The following RAP1GAP2 variants were observed in gnomAD, a reference collection of about 807,000 sequenced individuals.
RAP1GAP2 encodes RAP1 GTPase activating protein 2, also known as rap1 GTPase-activating protein 2.
In RAP1GAP2, 27 loss-of-function variants were observed where a neutral mutation model predicts 95.0. That is an observed-to-expected ratio of 0.28 (90% CI 0.21 to 0.39). RAP1GAP2 has a LOEUF of 0.39. Among genes scored for constraint, RAP1GAP2 ranks in the 10% least tolerant of loss-of-function variants. The pLI is 1.00. For synonymous variants in RAP1GAP2, 373 were observed against 380.9 expected (o/e 0.98, Z 0.24); for missense variants, 771 against 970.0 (o/e 0.79, Z 2.72).
intron 1 of RAP1GAP2, among the ~76,000 whole-genome samples, chr17:2,767,699 A>G (rs2068303584): frequency 6.6e-6 from 1 of 150,620 alleles, no homozygotes; most frequent in Admixed American, 6.6e-5. Context: ...ATGGCCACAC[A>G]TGGCTTTACT....
chr17:2,761,756 C>T (rs2071253074), intron 1 of RAP1GAP2, among the ~76,000 whole-genome samples: 1 of 152,044 alleles, frequency 6.6e-6, no homozygotes, highest in Non-Finnish European at 1.5e-5. Context: ...AAAAGAAATA[C>T]AATAAAATAA....
In RAP1GAP2 at chr17:2,950,578, C is replaced by A. The variant is rs903528194; in HGVS notation, c.166-7181C>A. On this transcript the variant is annotated intron_variant, in intron 3 of 24. Coordinates refer to ENST00000254695, the MANE Select transcript of RAP1GAP2 (RefSeq NM_015085.5). ...TGTTCTCACCTCATCTGCCTAAGAGCGCTGAAGTCAGGAACTATTTGCTTC... is the reference window on the plus strand; with the variant it reads ...TGTTCTCACCTCATCTGCCTAAGAGAGCTGAAGTCAGGAACTATTTGCTTC... 2.0e-5 allele frequency among the ~76,000 whole-genome samples: 3 copies of A among 150,186 alleles called. No homozygotes were observed. The East Asian group carries it at 5.9e-4, about 30-fold the overall frequency.
rs749400987 is a variant in RAP1GAP2 at position 2,964,084 on chromosome 17, A to G, written c.492+16A>G. The G allele has an allele frequency of 6.7e-7, 1 of 1,497,772 alleles. No homozygotes were observed. 92.8% of individuals were successfully genotyped at this position (1,497,772 alleles called of 1,614,324 possible). On this transcript the variant is annotated intron_variant, in intron 7 of 24. Coordinates refer to ENST00000254695, the MANE Select transcript of RAP1GAP2 (RefSeq NM_015085.5). The stretch of plus-strand genomic sequence containing the variant: ...CCTGGGGAAGGTGAGGCTGGGGGAG[A>G]GGAGCTGCTGGGGGTTGGGGGCAGA...
chr17:2,900,438 A>G (rs565661979), intron 2 of RAP1GAP2, among the ~76,000 whole-genome samples: 223 of 152,034 alleles, frequency 1.5e-3, no homozygotes, highest in Middle Eastern at 0.01. Context: ...TATTTTTTTA[A>G]ATTAATTAAT....
At chr17:2,943,320 T>G (rs1397552488) in intron 3 of RAP1GAP2, among the ~76,000 whole-genome samples, 2 of 152,174 alleles carry the variant, frequency 1.3e-5, no homozygotes, top group Non-Finnish European at 2.9e-5. Flanking sequence ...GGGGTCAGTT[T>G]TTAAAATGTA....
At chr17:2,770,591 G>T (rs1050609733) in intron 2 of RAP1GAP2, 11 of 396,680 alleles carry the variant, frequency 2.8e-5, no homozygotes, top group Middle Eastern at 1.3e-3. Flanking sequence ...TTCTAGGAAA[G>T]AATTTATCAG....
intron 2 of RAP1GAP2, among the ~76,000 whole-genome samples, chr17:2,872,244 G>C (rs2072876769): frequency 6.9e-6 from 1 of 145,204 alleles, no homozygotes; most frequent in Non-Finnish European, 1.5e-5. Context: ...AGGTGAAGCT[G>C]TCTGTGTAAC....
rs1490456979 is a variant in RAP1GAP2 at position 3,018,153 on chromosome 17, G to C, written c.1587G>C (p.Gly529=). ...HSGGIPGSLS[G]GISHNSMEVT... ...GGGGCATCCCTGGCAGCCTCAGCGG[G>C]GGCATCTCCCACAACAGCATGGAGG... Residue 529 remains glycine, a synonymous_variant, in exon 18 of 25, where the codon GGG becomes GGC. Coordinates refer to ENST00000254695, the MANE Select transcript of RAP1GAP2 (RefSeq NM_015085.5). The C allele has an allele frequency of 3.2e-6, 5 of 1,579,942 alleles. No homozygotes were observed. In the African/African-American group the frequency reaches 5.4e-5, roughly 17 times the overall value.
At chr17:2,889,746 G>A (rs1471948196) in intron 2 of RAP1GAP2, among the ~76,000 whole-genome samples, 1 of 142,452 alleles carries the variant, frequency 7.0e-6, no homozygotes, top group Non-Finnish European at 1.5e-5. Flanking sequence ...GCAGTGGCAC[G>A]ATCTCAGATC....
intron 2 of RAP1GAP2, among the ~76,000 whole-genome samples, chr17:2,821,800 G>T (rs2070317654): frequency 6.6e-6 from 1 of 152,128 alleles, no homozygotes; most frequent in South Asian, 2.1e-4. Context: ...AACAACGCAG[G>T]TACAGAACAT....
chr17:3,031,948 G>A (rs1198291597), intron 23 of RAP1GAP2, among the ~76,000 whole-genome samples: 1 of 149,902 alleles, frequency 6.7e-6, no homozygotes, highest in African/African-American at 2.5e-5. Context: ...AGGTCCAGAT[G>A]TGAGGTGGAA....
At chr17:2,795,712 G>A (rs967355067), upstream of RAP1GAP2, among the ~76,000 whole-genome samples, 1 of 152,182 alleles carries the variant, frequency 6.6e-6, no homozygotes, top group African/African-American at 2.4e-5. Context: ...ATGTGTATGC[G>A]TTCATGTCTG....
chr17:2,789,607 TAAAAA>T (rs546111176), intron 1 of RAP1GAP2, among the ~76,000 whole-genome samples: 1 of 74,810 alleles, frequency 1.3e-5, no homozygotes. Context: ...CAGTCTCTAC[TAAAAA>T]AAAAAAAAAA....
At chr17:2,907,811 C>G (rs538111056) in intron 3 of RAP1GAP2, among the ~76,000 whole-genome samples, 13 of 152,146 alleles carry the variant, frequency 8.5e-5, no homozygotes, top group Admixed American at 7.9e-4. Context: ...TCAGAGTCAG[C>G]TTTTTTATTT....
chr17:2,991,921 C>T (rs780947904), intron 12 of RAP1GAP2, among the ~76,000 whole-genome samples: 3 of 151,260 alleles, frequency 2.0e-5, no homozygotes, highest in Non-Finnish European at 1.5e-5. Flanking sequence ...CCCGCCAACA[C>T]GCCCAGCTAA....
chr17:2,881,945 C>T (rs923400583), intron 2 of RAP1GAP2, among the ~76,000 whole-genome samples: 9 of 150,894 alleles, frequency 6.0e-5, no homozygotes, highest in Non-Finnish European at 1.0e-4. Flanking sequence ...CTCAGCCTCC[C>T]GAGTAGCTGG....
chr17:2,800,672 C>A, intron 2 of RAP1GAP2, 122 bp downstream of exon 2: 1 of 1,060,210 alleles, frequency 9.4e-7, no homozygotes, highest in African/African-American at 1.6e-5. Flanking sequence ...GATTCCAGTC[C>A]GAGTCCATGG....
intron 2 of RAP1GAP2, among the ~76,000 whole-genome samples, chr17:2,807,944 G>A (rs186108391): frequency 4.5e-4 from 69 of 152,276 alleles, no homozygotes; most frequent in East Asian, 2.5e-3. Context: ...GAGACCCTCC[G>A]CTGGCCTGCG....
chr17:2,905,856 T>C (rs888540349), intron 3 of RAP1GAP2, among the ~76,000 whole-genome samples: 1 of 152,138 alleles, frequency 6.6e-6, no homozygotes, highest in African/African-American at 2.4e-5. Context: ...TTATCAGCAC[T>C]TCCTTCGTGA....
Sources: allele counts gnomAD v4.1 joint callset (sites outside exome capture counted in the v4.1 genomes callset), GRCh38; gene constraint gnomAD v4.1.1; transcripts MANE v1.5; gene names NCBI Gene and HGNC (gene_info 2026-07-23, HGNC 2026-07-21).